The following CSGALNACT1 variants were observed in gnomAD, a reference collection of about 807,000 sequenced individuals.
The protein encoded by CSGALNACT1 is beta4GalNAcT-1.
Under a neutral mutation model 51.0 loss-of-function variants are expected in CSGALNACT1, and 52 were observed. That is an observed-to-expected ratio of 1.02 (90% confidence interval 0.82 to 1.29). The LOEUF (loss-of-function observed/expected upper bound fraction) is 1.29, where lower values mean the gene tolerates loss of function less well. Ranked by LOEUF, CSGALNACT1 falls within the 50% of genes most tolerant of loss-of-function variation. CSGALNACT1 has a pLI of 0.00. For synonymous variants in CSGALNACT1, 341 were observed against 254.4 expected (o/e 1.34, Z -3.24); for missense variants, 935 against 679.2 (o/e 1.38, Z -4.19).
chr8:19,667,912 A>G (rs1278670179), intron 1 of CSGALNACT1, among the ~76,000 whole-genome samples: 2 of 152,208 alleles, frequency 1.3e-5, no homozygotes, highest in Non-Finnish European at 1.5e-5. Flanking sequence ...TCCTCCAACT[A>G]AATATTTTAA....
intron 3 of CSGALNACT1, among the ~76,000 whole-genome samples, chr8:19,537,178 G>A (rs1240174997): frequency 6.6e-6 from 1 of 152,088 alleles, no homozygotes; most frequent in Admixed American, 6.6e-5. Context: ...ACAAGAAATG[G>A]TTAATTTGTT....
intron 1 of CSGALNACT1, among the ~76,000 whole-genome samples, chr8:19,727,231 T>A (rs1268874102): frequency 1.3e-5 from 2 of 152,126 alleles, no homozygotes; most frequent in Non-Finnish European, 2.9e-5. Context: ...AGAAAAAAAA[T>A]GTCCAGTGGA....
chr8:19,426,024 A>G (rs1401945420), intron 6 of CSGALNACT1, among the ~76,000 whole-genome samples: 1 of 152,140 alleles, frequency 6.6e-6, no homozygotes, highest in Non-Finnish European at 1.5e-5. Flanking sequence ...ACAGATCTGT[A>G]TGAGGGGCTC....
chr8:19,515,223 G>A (rs910936847), intron 3 of CSGALNACT1, among the ~76,000 whole-genome samples: 2 of 151,830 alleles, frequency 1.3e-5, no homozygotes, highest in African/African-American at 2.4e-5. Context: ...TCTATCTCAG[G>A]TCCTCAGCAC....
At chr8:19,639,287 T>C (rs1168296117) in intron 1 of CSGALNACT1, among the ~76,000 whole-genome samples, 5 of 152,212 alleles carry the variant, frequency 3.3e-5, no homozygotes, top group Non-Finnish European at 7.3e-5. Flanking sequence ...AGAAGGGTTG[T>C]ATTTAAACAA....
chr8:19,632,365 T>C (rs2055385161), intron 1 of CSGALNACT1, among the ~76,000 whole-genome samples: 1 of 152,264 alleles, frequency 6.6e-6, no homozygotes, highest in South Asian at 2.1e-4. Flanking sequence ...CAACTATCTA[T>C]CTGCCGTTTA....
intron 1 of CSGALNACT1, among the ~76,000 whole-genome samples, chr8:19,677,665 G>A (rs1384502712): frequency 6.6e-6 from 1 of 152,124 alleles, no homozygotes; most frequent in Non-Finnish European, 1.5e-5. Flanking sequence ...AGTATTGAAT[G>A]TAAATACTGT....
At chr8:19,508,810 GA>G (rs1227186949) in intron 3 of CSGALNACT1, among the ~76,000 whole-genome samples, 2 of 152,158 alleles carry the variant, frequency 1.3e-5, no homozygotes, top group Non-Finnish European at 2.9e-5. Flanking sequence ...CATAAAAGAT[GA>G]AAAGCATGTT....
chr8:19,745,459 C>A (rs529002014), intron 1 of CSGALNACT1, among the ~76,000 whole-genome samples: 1 of 152,154 alleles, frequency 6.6e-6, no homozygotes, highest in African/African-American at 2.4e-5. Flanking sequence ...ACTTGTGCCC[C>A]TAAAGAAACT....
Position 19,505,761 on chromosome 8 carries a change from G to C in CSGALNACT1, c.74C>G (p.Ala25Gly), listed in dbSNP as rs201280482. The C allele has an allele frequency of 3.7e-6, 6 of 1,613,988 alleles. No individual in the cohort carries two copies. The highest frequency in any genetic ancestry group is 2.7e-5 in the African/African-American group (2 of 74,934). The change falls in exon 4 of 10, where the codon GCT becomes GGT. Residue 25 changes from alanine (A) to glycine (G), a missense_variant. Physicochemically the swap from Ala to Gly is moderately conservative, Grantham distance 60. Transcript: ENST00000454498. Reference sequence around the variant, plus strand: ...GGCCAACATGTACAGGACAGAGATAGCACAGCAGAGGAGCACCAGCAAAAC... The same window carrying C: ...GGCCAACATGTACAGGACAGAGATACCACAGCAGAGGAGCACCAGCAAAAC...
At chr8:19,640,358 C>G (rs1247573059) in intron 1 of CSGALNACT1, among the ~76,000 whole-genome samples, 1 of 152,150 alleles carries the variant, frequency 6.6e-6, no homozygotes, top group African/African-American at 2.4e-5. Context: ...TCTCCCAACT[C>G]TCAAATCTCA....
intron 1 of CSGALNACT1, among the ~76,000 whole-genome samples, chr8:19,612,709 C>T (rs542341921): frequency 6.6e-6 from 1 of 152,072 alleles, no homozygotes; most frequent in East Asian, 1.9e-4. Flanking sequence ...CAAAGTCCTA[C>T]TACATGGTGG....
At chr8:19,661,079 A>ATT (rs67272509) in intron 1 of CSGALNACT1, among the ~76,000 whole-genome samples, 2 of 143,616 alleles carry the variant, frequency 1.4e-5, no homozygotes, top group Non-Finnish European at 1.5e-5. Flanking sequence ...CACCTGGCTA[A>ATT]TTTTTTTTTT....
intron 1 of CSGALNACT1, among the ~76,000 whole-genome samples, chr8:19,640,219 C>G (rs2154176127): frequency 6.6e-6 from 1 of 152,288 alleles, no homozygotes; most frequent in South Asian, 2.1e-4. Context: ...AGCCACACAT[C>G]AGTGTAATAT....
rs907565709 is a variant in CSGALNACT1, at chr8:19,680,578, C to A, written c.-544+1895G>T. The stretch of plus-strand genomic sequence containing the variant: ...ACCCTCGCCCCACCCCCCCCCCCCC[C>A]CACAAAAAAAGAGAATAGTGCAAAT... On this transcript the variant is annotated intron_variant, in intron 1 of 9. Transcript: ENST00000332246. Among the ~76,000 whole-genome samples the A allele has an allele frequency of 2.4e-4, 27 of 111,398 alleles. 1 individual carries two copies. The highest frequency in any genetic ancestry group is 3.3e-4 in the Non-Finnish European group (17 of 50,850). The allele number at this position is 111,398 out of a possible 152,430, so 73.1% of individuals were successfully genotyped here.
chr8:19,412,454 T>TAATG lies in CSGALNACT1; in HGVS notation c.1228-3764_1228-3761dup, dbSNP rs1461379021. ...GGCCGTGGTCAGTGCCTGTCTGGTTTAATGGTGCCGACTTGGCCACTTGCC... is the reference window on the plus strand; with the variant it reads ...GGCCGTGGTCAGTGCCTGTCTGGTTTAATGAATGGTGCCGACTTGGCCACTTGCC... On this transcript the variant is annotated intron_variant, in intron 8 of 9. Transcript: ENST00000454498. Among the ~76,000 whole-genome samples, 31 of 152,302 alleles carry TAATG rather than the reference T, an allele frequency of 2.0e-4. No individual in the cohort carries two copies. The East Asian group carries it at 5.8e-3, about 28-fold the overall frequency.
At chr8:19,596,028 T>C (rs1237091643) in intron 2 of CSGALNACT1, among the ~76,000 whole-genome samples, 5 of 152,064 alleles carry the variant, frequency 3.3e-5, no homozygotes, top group African/African-American at 1.2e-4. Context: ...CACACCGAGC[T>C]AATTTTTAAA....
At chr8:19,752,211 G>C (rs7814643) in intron 1 of CSGALNACT1, among the ~76,000 whole-genome samples, 1 of 147,902 alleles carries the variant, frequency 6.8e-6, no homozygotes, top group South Asian at 2.1e-4. Flanking sequence ...TATCTTATAT[G>C]ATATATAAAA....
At chr8:19,648,059 T>G (rs1267794246) in intron 1 of CSGALNACT1, among the ~76,000 whole-genome samples, 1 of 152,212 alleles carries the variant, frequency 6.6e-6, no homozygotes, top group Non-Finnish European at 1.5e-5. Context: ...AGCTCTTTGT[T>G]TTGTTTCAAT....
Sources: allele counts gnomAD v4.1 joint callset (sites outside exome capture counted in the v4.1 genomes callset), GRCh38; gene constraint gnomAD v4.1.1; transcripts MANE v1.5; gene names NCBI Gene and HGNC (gene_info 2026-07-23, HGNC 2026-07-21).